The following ANO3 variants were observed in gnomAD, a reference collection of about 807,000 sequenced individuals.
The protein encoded by ANO3 is anoctamin-3.
ANO3 carries 99 observed loss-of-function variants against 144.8 expected under a neutral mutation model. The observed-to-expected ratio is 0.68, with a 90% CI of 0.58 to 0.81. The LOEUF (loss-of-function observed/expected upper bound fraction) is 0.81. ANO3 is among the 30% of genes least tolerant of loss of function. The pLI, the probability that ANO3 is intolerant of heterozygous loss-of-function variation, is 0.00. For synonymous variants in ANO3, 414 were observed against 392.6 expected, an observed-to-expected ratio of 1.05 and a Z score of -0.64; for missense variants, 905 against 1,202.2, an observed-to-expected ratio of 0.75 and a Z score of 3.66.
intron 1 of ANO3, among the ~76,000 whole-genome samples, chr11:26,436,697 G>A (rs1032202528): frequency 6.6e-6 from 1 of 152,060 alleles, no homozygotes; most frequent in Non-Finnish European, 1.5e-5. Flanking sequence ...TGGGTTGGGG[G>A]TCCACTCCAG....
chr11:26,334,366 A>G (rs1564969984), intron 1 of ANO3, among the ~76,000 whole-genome samples: 1 of 152,242 alleles, frequency 6.6e-6, no homozygotes, highest in Non-Finnish European at 1.5e-5. Context: ...TTATTCTTCA[A>G]ATAGGAAGAA....
At chr11:26,218,108 G>T (rs11603053) in intron 1 of ANO3, among the ~76,000 whole-genome samples, 35,685 of 151,800 alleles carry the variant, frequency 0.24, 4,818 homozygotes, top group Non-Finnish European at 0.29. Flanking sequence ...AGTAAGTGAG[G>T]TAGCATTCTT....
At chr11:26,308,135 T>C (rs1314147094), upstream of ANO3, among the ~76,000 whole-genome samples, 1 of 152,232 alleles carries the variant, frequency 6.6e-6, no homozygotes, top group Non-Finnish European at 1.5e-5. Flanking sequence ...ATCATGTTGA[T>C]GGCACAATTG....
chr11:26,415,705 A>G (rs1857565638), intron 1 of ANO3, among the ~76,000 whole-genome samples: 2 of 152,124 alleles, frequency 1.3e-5, no homozygotes. Flanking sequence ...CCTATCAAGG[A>G]GCAGTGACTT....
At chr11:26,462,606 T>G (rs1174086324) in intron 3 of ANO3, among the ~76,000 whole-genome samples, 1 of 151,856 alleles carries the variant, frequency 6.6e-6, no homozygotes, top group Non-Finnish European at 1.5e-5. Context: ...CTTCAAATTT[T>G]TCCAGCTTTT....
intron 1 of ANO3, among the ~76,000 whole-genome samples, chr11:26,275,693 T>C (rs1853543706): frequency 6.6e-6 from 1 of 152,064 alleles, no homozygotes. Context: ...GGACATAGGG[T>C]GAATGTTCTA....
At position 26,271,958 on chromosome 11, in the gene ANO3, C is replaced by A. The variant is rs367795236; in HGVS notation, c.155-37687C>A. ...CAATGTTTAGTATTGAGCATATACTCTGATTTAGGTATTTATATCTTTTAA... is the reference window on the plus strand; with the variant it reads ...CAATGTTTAGTATTGAGCATATACTATGATTTAGGTATTTATATCTTTTAA... On this transcript the variant is annotated intron_variant, in intron 1 of 27. Transcript: ENST00000672621. Among the ~76,000 whole-genome samples, 437 of 152,224 alleles carry A rather than the reference C, an allele frequency of 2.9e-3. 26 individuals are homozygous for A. In the South Asian group the frequency reaches 0.087, roughly 30 times the overall value.
At chr11:26,552,753 A>C (rs1485283045) in intron 12 of ANO3, among the ~76,000 whole-genome samples, 1 of 152,072 alleles carries the variant, frequency 6.6e-6, no homozygotes, top group African/African-American at 2.4e-5. Flanking sequence ...AAAACCCAAC[A>C]AGCAAACATA....
intron 14 of ANO3, among the ~76,000 whole-genome samples, chr11:26,589,739 C>T (rs1305292957): frequency 4.6e-5 from 7 of 152,210 alleles, no homozygotes; most frequent in Non-Finnish European, 1.0e-4. Context: ...ATGATCCTTC[C>T]TGTCCGGCTC....
intron 1 of ANO3, among the ~76,000 whole-genome samples, chr11:26,359,133 T>C (rs912091869): frequency 6.6e-6 from 1 of 152,260 alleles, no homozygotes; most frequent in Admixed American, 6.5e-5. Context: ...AACCAGGCAC[T>C]AGCAGTTTTA....
intron 6 of ANO3, among the ~76,000 whole-genome samples, chr11:26,519,488 A>G (rs1348363360): frequency 6.6e-6 from 1 of 152,236 alleles, no homozygotes; most frequent in Non-Finnish European, 1.5e-5. Flanking sequence ...ATAGTAGAAC[A>G]AATTACCACA....
intron 4 of ANO3, among the ~76,000 whole-genome samples, chr11:26,471,323 G>A (rs1391563448): frequency 1.3e-5 from 2 of 151,760 alleles, no homozygotes; most frequent in Admixed American, 6.6e-5. Context: ...TCTAAATTGT[G>A]TGGCTAATTT....
intron 1 of ANO3, among the ~76,000 whole-genome samples, chr11:26,198,823 C>A (rs1255654487): frequency 6.6e-6 from 1 of 152,136 alleles, no homozygotes; most frequent in Non-Finnish European, 1.5e-5. Context: ...AACTTACTGG[C>A]TTATCGTTGA....
chr11:26,210,244 T>C (rs1851904756), intron 1 of ANO3, among the ~76,000 whole-genome samples: 1 of 152,218 alleles, frequency 6.6e-6, no homozygotes, highest in South Asian at 2.1e-4. Context: ...AAATAAGGAA[T>C]CCTTCCCATT....
chr11:26,199,183 T>C (rs1851645531), intron 1 of ANO3, among the ~76,000 whole-genome samples: 2 of 152,084 alleles, frequency 1.3e-5, no homozygotes, highest in Admixed American at 1.3e-4. Context: ...TCATCATTTA[T>C]GGAAATCTAA....
intron 1 of ANO3, among the ~76,000 whole-genome samples, chr11:26,250,473 C>T (rs1402158060): frequency 6.6e-6 from 1 of 152,140 alleles, no homozygotes; most frequent in Admixed American, 6.5e-5. Context: ...CCAAAGGACA[C>T]TATTTTACGG....
At chr11:26,542,869 A>G (rs494943) in intron 11 of ANO3, among the ~76,000 whole-genome samples, 99,875 of 151,756 alleles carry the variant, frequency 0.66, 33,150 homozygotes, top group East Asian at 0.83. Flanking sequence ...GACCATTTAT[A>G]TTAATATATG....
At chr11:26,253,612 C>G (rs1452829327) in intron 1 of ANO3, among the ~76,000 whole-genome samples, 1 of 150,620 alleles carries the variant, frequency 6.6e-6, no homozygotes, top group Non-Finnish European at 1.5e-5. Flanking sequence ...TTGCAATGAC[C>G]GAATGCTTTG....
intron 20 of ANO3, among the ~76,000 whole-genome samples, chr11:26,635,781 G>A (rs1819844577): frequency 1.3e-5 from 2 of 152,152 alleles, no homozygotes; most frequent in African/African-American, 2.4e-5. Flanking sequence ...ACAGGGCATA[G>A]CAATAAAACA....
Sources: allele counts gnomAD v4.1 joint callset (sites outside exome capture counted in the v4.1 genomes callset), GRCh38; gene constraint gnomAD v4.1.1; transcripts MANE v1.5; gene names NCBI Gene and HGNC (gene_info 2026-07-23, HGNC 2026-07-21).